VPS13A: variants seen among roughly 807,000 people sequenced by gnomAD.
VPS13A encodes the protein vacuolar protein sorting 13 homolog A.
VPS13A carries 264 observed loss-of-function variants against 390.9 expected under a neutral mutation model. The ratio of observed to expected loss-of-function variants is 0.68; its 90% confidence interval spans 0.61 to 0.75. The LOEUF (loss-of-function observed/expected upper bound fraction) is 0.75, where lower values mean the gene tolerates loss of function less well. VPS13A is among the 30% of genes least tolerant of loss of function. VPS13A has a pLI of 0.00. For synonymous variants in VPS13A, 1,231 were observed against 1,227.1 expected, an observed-to-expected ratio of 1.00 and a Z score of -0.07; for missense variants, 3,409 against 3,733.9, an observed-to-expected ratio of 0.91 and a Z score of 2.27.
intron 68 of VPS13A, among the ~76,000 whole-genome samples, chr9:77,392,871 A>C (rs1280331894): frequency 6.6e-6 from 1 of 150,622 alleles, no homozygotes; most frequent in African/African-American, 2.4e-5. Context: ...ATCTTTTTGC[A>C]TGCCTGGTGT....
intron 14 of VPS13A, 132 bp from the exon 15 acceptor site, chr9:77,226,333 CT>C: frequency 1.3e-6 from 1 of 792,504 alleles, no homozygotes; most frequent in East Asian, 2.7e-5. Context: ...TTTCTGTGTT[CT>C]GTTATTAATG....
chr9:77,319,207 AAAG>A (rs1036963241), intron 41 of VPS13A, among the ~76,000 whole-genome samples: 15 of 149,124 alleles, frequency 1.0e-4, no homozygotes, highest in African/African-American at 1.5e-4. Context: ...AAAAAAAAAA[AAAG>A]AAAAGAAAAG....
rs201081213 is a variant in VPS13A at position 77,353,430 on chromosome 9, T to G, written c.7441T>G (p.Leu2481Val). The G allele has an allele frequency of 5.5e-5, 89 of 1,611,482 alleles. 2 individuals carry two copies. Among genetic ancestry groups the G allele is most frequent in the African/African-American group, 1.3e-5 (1 of 74,694 alleles). ...CTAGGATATGATGATGCCTATAGAT[T>G]TGGGGGAAAAGACAATATATTTAGT... Reference protein sequence around the residue: ...QKDDMMMPIDLGEKTIYLVSF... With the variant: ...QKDDMMMPIDVGEKTIYLVSF... Residue 2481 changes from leucine to valine, a missense_variant, in exon 54 of 72, where the codon TTG becomes GTG. Leu to Val is a conservative substitution (Grantham distance 32). Coordinates refer to ENST00000360280, the MANE Select transcript of VPS13A (RefSeq NM_033305.3).
intron 67 of VPS13A, among the ~76,000 whole-genome samples, chr9:77,380,653 C>A (rs1833378618): frequency 6.6e-6 from 1 of 152,194 alleles, no homozygotes; most frequent in Non-Finnish European, 1.5e-5. Flanking sequence ...TGTATATGCC[C>A]ATGCATGTGT....
rs781489337 is a variant in VPS13A at position 77,321,296 on chromosome 9, G to A, written c.5543G>A (p.Cys1848Tyr). 20 of 1,608,910 alleles carry A rather than the reference G, an allele frequency of 1.2e-5. No individual in the cohort carries two copies. The highest frequency in any genetic ancestry group is 1.4e-5 in the Non-Finnish European group (17 of 1,176,596). ...KDQLNITLSK[C>Y]GLVMLNNLVK... ...CAATTAAACATTACATTATCCAAAT[G>A]TGGTCTTGTAATGTTAAACAATTTA... is the stretch of plus-strand genomic sequence containing the variant. Residue 1848 changes from cysteine to tyrosine, a missense_variant, in exon 43 of 72, where the codon TGT becomes TAT. Cys to Tyr is a radical substitution (Grantham distance 194, BLOSUM62 -2). Coordinates refer to ENST00000360280, the MANE Select transcript of VPS13A (RefSeq NM_033305.3).
At chr9:77,300,758 CA>C (rs1828294928) in intron 33 of VPS13A, among the ~76,000 whole-genome samples, 1 of 152,324 alleles carries the variant, frequency 6.6e-6, no homozygotes, top group Admixed American at 6.5e-5. Flanking sequence ...CCAGAAAATG[CA>C]GTTTAGTTAC....
At chr9:77,247,795 G>C (rs1455493532) in intron 20 of VPS13A, among the ~76,000 whole-genome samples, 4 of 152,068 alleles carry the variant, frequency 2.6e-5, no homozygotes, top group East Asian at 3.9e-4. Context: ...TGAGTATCTG[G>C]GATTACATGT....
chr9:77,276,399 G>A (rs1438322366), intron 26 of VPS13A, among the ~76,000 whole-genome samples, 178 bp downstream of exon 26: 3 of 152,110 alleles, frequency 2.0e-5, no homozygotes, highest in Non-Finnish European at 4.4e-5. Context: ...GCACACCGGA[G>A]ATAAAATGAA....
At chr9:77,365,111 T>C (rs958157238) in intron 59 of VPS13A, among the ~76,000 whole-genome samples, 3 of 152,150 alleles carry the variant, frequency 2.0e-5, no homozygotes, top group African/African-American at 7.2e-5. Context: ...ACAAGTAGAC[T>C]ACAAAATACA....
chr9:77,275,602 G>C lies in VPS13A; in HGVS notation c.2617G>C (p.Asp873His). Residue 873 changes from aspartate (D) to histidine (H), a missense_variant, in exon 25 of 72, where the codon GAT (aspartate) becomes CAT (histidine). By Grantham distance (81) the Asp-to-His change is moderately conservative. Coordinates refer to ENST00000360280, the MANE Select transcript of VPS13A (RefSeq NM_033305.3). ...SIRTRKLQKQ[D>H]CSVNMTTFKI... Reference sequence around the variant, plus strand: ...TCGAACCAGAAAGTTACAAAAGCAGGATTGTTCAGTAAATATGACTACATT... The same window carrying C: ...TCGAACCAGAAAGTTACAAAAGCAGCATTGTTCAGTAAATATGACTACATT... The C allele has an allele frequency of 1.2e-6, 2 of 1,613,640 alleles. No individual in the cohort carries two copies. Among genetic ancestry groups the C allele is most frequent in the Non-Finnish European group, 1.7e-6 (2 of 1,179,718 alleles).
At chr9:77,181,773 C>T (rs1824034000) in intron 1 of VPS13A, among the ~76,000 whole-genome samples, 2 of 152,094 alleles carry the variant, frequency 1.3e-5, no homozygotes, top group Admixed American at 1.3e-4. Flanking sequence ...GCATTTTTCC[C>T]ATGGAAGCAT....
rs1825486197 is a variant in VPS13A, at chr9:77,203,988, G to C, written c.188-1325G>C. On this transcript the variant is annotated intron_variant, in intron 3 of 71. Coordinates refer to ENST00000360280, the MANE Select transcript of VPS13A (RefSeq NM_033305.3). ...GAGGATTGCTTGAGGCCAGGAGTTT[G>C]AGACCAGCCTGGGCAAAATAGTGAG... is the stretch of plus-strand genomic sequence containing the variant. Among the ~76,000 whole-genome samples the C allele has an allele frequency of 1.3e-5, 2 of 152,100 alleles. 1 individual carries two copies. Among genetic ancestry groups the C allele is most frequent in the Admixed American group, 1.3e-4 (2 of 15,258 alleles).
intron 33 of VPS13A, among the ~76,000 whole-genome samples, chr9:77,299,158 G>A (rs1175106597): frequency 6.6e-6 from 1 of 152,088 alleles, no homozygotes; most frequent in Non-Finnish European, 1.5e-5. Flanking sequence ...TTTGGTTACT[G>A]TAGCCTTGTA....
chr9:77,358,752 A>G (rs1440925734), intron 57 of VPS13A, among the ~76,000 whole-genome samples: 4 of 152,208 alleles, frequency 2.6e-5, no homozygotes, highest in African/African-American at 9.6e-5. Context: ...AGGAAGTTCA[A>G]ATCTAGAGTG....
At chr9:77,222,088 T>C (rs934510699) in intron 13 of VPS13A, among the ~76,000 whole-genome samples, 2 of 152,192 alleles carry the variant, frequency 1.3e-5, no homozygotes, top group African/African-American at 4.8e-5. Context: ...GGAGTTAGTC[T>C]CTTGAAGTTA....
chr9:77,260,333 T>C (rs1825684335), intron 23 of VPS13A, 109 bp downstream of exon 23: 2 of 1,094,670 alleles, frequency 1.8e-6, no homozygotes, highest in Non-Finnish European at 2.6e-6. Context: ...TTGTTTTGAA[T>C]AGACATTAAG....
intron 34 of VPS13A, among the ~76,000 whole-genome samples, chr9:77,304,389 C>A (rs1828590742): frequency 6.6e-6 from 1 of 152,178 alleles, no homozygotes; most frequent in Non-Finnish European, 1.5e-5. Flanking sequence ...AAAATGGAGT[C>A]TCTTATGTCT....
intron 68 of VPS13A, chr9:77,384,751 GC>G (rs2131619303): frequency 6.5e-7 from 1 of 1,542,752 alleles, no homozygotes; most frequent in East Asian, 2.4e-5. Flanking sequence ...ATACCATAAT[GC>G]CCATATGTCC....
rs201018237 is a variant in VPS13A at position 77,388,147 on chromosome 9, AAAT to A, written c.9189+6067_9189+6069del. Among the ~76,000 whole-genome samples, 1,286 of 152,312 alleles carry A rather than the reference AAAT, an allele frequency of 8.4e-3. 10 individuals carry two copies. Among genetic ancestry groups the A allele is most frequent in the South Asian group, 0.014 (67 of 4,832 alleles). Reference sequence around the variant, plus strand: ...TAAGTGTACACACATTATTTAGCTCAAATAATAATGATGATGGATATGTGAAAA... The same window carrying A: ...TAAGTGTACACACATTATTTAGCTCAAATAATGATGATGGATATGTGAAAA... On this transcript the variant is annotated intron_variant, in intron 68 of 71. Coordinates refer to ENST00000360280, the MANE Select transcript of VPS13A (RefSeq NM_033305.3).
Sources: allele counts gnomAD v4.1 joint callset (sites outside exome capture counted in the v4.1 genomes callset), GRCh38; gene constraint gnomAD v4.1.1; transcripts MANE v1.5; gene names NCBI Gene and HGNC (gene_info 2026-07-23, HGNC 2026-07-21).